CDH13: variants seen among roughly 807,000 people sequenced by gnomAD.
CDH13 encodes cadherin-13.
In CDH13, 24 loss-of-function variants were observed where a neutral mutation model predicts 63.8. The observed-to-expected ratio is 0.38, with a 90% confidence interval of 0.27 to 0.53. CDH13 has a LOEUF of 0.53. CDH13 is among the 20% of genes least tolerant of loss of function. The pLI, the probability that CDH13 is intolerant of heterozygous loss-of-function variation, is 0.85. For missense variants in CDH13, 1,049 were observed against 903.1 expected, an observed-to-expected ratio of 1.16 and a Z score of -2.07; for synonymous variants, 503 against 355.3, an observed-to-expected ratio of 1.42 and a Z score of -4.67.
intron 1 of CDH13, among the ~76,000 whole-genome samples, chr16:82,807,076 T>G (rs992154490): frequency 6.7e-6 from 1 of 149,218 alleles, no homozygotes; most frequent in Non-Finnish European, 1.5e-5. Flanking sequence ...GCTTTTGCAG[T>G]TGGGATCATG....
intron 7 of CDH13, among the ~76,000 whole-genome samples, chr16:83,512,685 T>A (rs11643172): frequency 0.38 from 55,928 of 146,020 alleles, 11,172 homozygotes; most frequent in East Asian, 0.45. Flanking sequence ...ATAATAATAA[T>A]ATAATAATAA....
rs901694514 is a variant in CDH13 at position 83,797,350 on chromosome 16, G to A, written c.*2320G>A. The A allele has an allele frequency of 4.6e-5, 7 of 152,210 alleles. No homozygotes were observed. The highest frequency in any genetic ancestry group is 1.7e-4 in the African/African-American group (7 of 41,452). 9.4% of individuals were successfully genotyped at this position (152,210 alleles called of 1,614,324 possible). On this transcript the variant is annotated 3_prime_UTR_variant, in exon 14 of 14. Coordinates refer to ENST00000567109, the MANE Select transcript of CDH13 (RefSeq NM_001257.5). ...AAGCTGGTAGGCTCTCCTGCACTTTGTGAACCGAACCAGAAGATTAACTTC... is the reference window on the plus strand; with the variant it reads ...AAGCTGGTAGGCTCTCCTGCACTTTATGAACCGAACCAGAAGATTAACTTC...
chr16:83,097,204 G>C (rs765363690), intron 3 of CDH13, among the ~76,000 whole-genome samples: 3 of 152,128 alleles, frequency 2.0e-5, no homozygotes, highest in Non-Finnish European at 4.4e-5. Flanking sequence ...TAACTGATAT[G>C]AAACATTTCT....
intron 5 of CDH13, among the ~76,000 whole-genome samples, chr16:83,307,965 A>G (rs1325105790): frequency 6.6e-6 from 1 of 152,192 alleles, no homozygotes; most frequent in Admixed American, 6.5e-5. Flanking sequence ...TGATGAGGAC[A>G]TTGCAGCATG....
chr16:83,302,960 A>G (rs954826325), intron 5 of CDH13, among the ~76,000 whole-genome samples: 4 of 152,192 alleles, frequency 2.6e-5, no homozygotes, highest in African/African-American at 7.2e-5. Context: ...AATCTCATCA[A>G]GGTATTCGGT....
At chr16:83,527,117 C>G (rs903698997) in intron 7 of CDH13, among the ~76,000 whole-genome samples, 2 of 147,250 alleles carry the variant, frequency 1.4e-5, no homozygotes, top group Non-Finnish European at 3.0e-5. Context: ...GGCAACAGAG[C>G]AAGACTCTGT....
chr16:83,196,496 A>T (rs151142375), intron 4 of CDH13, among the ~76,000 whole-genome samples: 12 of 152,306 alleles, frequency 7.9e-5, no homozygotes, highest in African/African-American at 2.9e-4. Flanking sequence ...GAATGGAAAG[A>T]CAAGCTATAG....
intron 7 of CDH13, among the ~76,000 whole-genome samples, chr16:83,534,233 A>C (rs2075140590): frequency 6.6e-6 from 1 of 152,170 alleles, no homozygotes; most frequent in Non-Finnish European, 1.5e-5. Flanking sequence ...GCGCATTAGG[A>C]AGGTGGTCTG....
intron 3 of CDH13, among the ~76,000 whole-genome samples, chr16:83,103,337 C>G (rs996140094): frequency 1.4e-5 from 2 of 146,660 alleles, no homozygotes; most frequent in African/African-American, 5.1e-5. Context: ...ACCAGTGCCT[C>G]CAGGTTCAAG....
intron 7 of CDH13, among the ~76,000 whole-genome samples, chr16:83,571,889 C>G (rs1904659114): frequency 6.6e-6 from 1 of 151,024 alleles, no homozygotes; most frequent in South Asian, 2.1e-4. Context: ...ACTCCGGCCA[C>G]AGAACTTAGC....
chr16:83,132,433 C>A (rs13336552), intron 4 of CDH13, among the ~76,000 whole-genome samples: 1 of 99,022 alleles, frequency 1.0e-5, no homozygotes, highest in Non-Finnish European at 2.0e-5. Context: ...TACCCCCCAC[C>A]CACCCCCCAA....
intron 2 of CDH13, 23 bp downstream of exon 2, chr16:82,858,496 G>C (rs2039796366): frequency 7.5e-7 from 1 of 1,328,098 alleles, no homozygotes; most frequent in Admixed American, 1.7e-5. Flanking sequence ...ACTCAAAGAT[G>C]CTTTTAGACT....
chr16:82,860,384 T>TGGGGGGG (rs1197091420), intron 2 of CDH13, among the ~76,000 whole-genome samples: 2 of 29,560 alleles, frequency 6.8e-5, no homozygotes, highest in Non-Finnish European at 1.4e-4. Context: ...TGTGTGTGTG[T>TGGGGGGG]GTGTGGGGGG....
rs893727209 is a variant in CDH13, at chr16:83,136,200, TTGTC to T, written c.483+10702_483+10705del. Among the ~76,000 whole-genome samples the T allele has an allele frequency of 4.0e-5, 6 of 151,046 alleles. No individual in the cohort carries two copies. The East Asian group carries it at 5.9e-4, about 15-fold the overall frequency. ...AAAAAAAAAAAAAAAGAAATAGACT[TTGTC>T]TGGGCACGGTGGCTCATGCCTGTAA... On this transcript the variant is annotated intron_variant, in intron 4 of 13. Coordinates refer to ENST00000567109, the MANE Select transcript of CDH13 (RefSeq NM_001257.5).
intron 5 of CDH13, among the ~76,000 whole-genome samples, chr16:83,320,982 A>G (rs2090211399): frequency 6.6e-6 from 1 of 152,242 alleles, no homozygotes; most frequent in South Asian, 2.1e-4. Flanking sequence ...AGTAATGACA[A>G]ATATCTAAAG....
intron 11 of CDH13, among the ~76,000 whole-genome samples, chr16:83,754,220 A>G (rs939643812): frequency 1.3e-5 from 2 of 152,180 alleles, no homozygotes; most frequent in African/African-American, 4.8e-5. Flanking sequence ...CTCATTTAAG[A>G]TATTTGCCAG....
chr16:82,896,275 G>GTTTTTTTT (rs2041252984), intron 2 of CDH13, among the ~76,000 whole-genome samples: 1 of 73,270 alleles, frequency 1.4e-5, no homozygotes. Flanking sequence ...CTAGGATTAG[G>GTTTTTTTT]ATTTTTTTTT....
At chr16:82,990,425 C>T (rs1436449402) in intron 2 of CDH13, 3 of 152,186 alleles carry the variant, frequency 2.0e-5, no homozygotes, top group African/African-American at 2.4e-5. Flanking sequence ...TTGTGATGGG[C>T]TGGGACCTGG....
At chr16:83,409,795 G>A (rs901592639) in intron 6 of CDH13, among the ~76,000 whole-genome samples, 1 of 152,186 alleles carries the variant, frequency 6.6e-6, no homozygotes, top group Non-Finnish European at 1.5e-5. Context: ...TCTCAACAAG[G>A]CAGATGATAT....
Sources: gnomAD v4.1 joint callset for allele counts (sites outside exome capture counted in the v4.1 genomes callset) on GRCh38, gnomAD v4.1.1 for gene constraint, MANE v1.5 for transcripts, NCBI Gene and HGNC (gene_info 2026-07-23, HGNC 2026-07-21) for gene names.